SLC4A7: variants seen among roughly 807,000 people sequenced by gnomAD.
The protein encoded by SLC4A7 is sodium bicarbonate cotransporter 3.
In SLC4A7, 51 loss-of-function variants were observed where a neutral mutation model predicts 137.6. The observed-to-expected ratio is 0.37, with a 90% CI of 0.30 to 0.47. The LOEUF (loss-of-function observed/expected upper bound fraction) is 0.47. Among genes scored for constraint, SLC4A7 ranks in the 20% least tolerant of loss-of-function variants. SLC4A7 has a pLI of 1.00. For synonymous variants in SLC4A7, 542 were observed against 518.6 expected (o/e 1.05, Z -0.61); for missense variants, 1,247 against 1,525.4 (o/e 0.82, Z 3.04).
At chr3:27,409,278 T>G in intron 13 of SLC4A7, 78 bp downstream of exon 13, 1 of 1,136,824 alleles carries the variant, frequency 8.8e-7, no homozygotes, top group East Asian at 2.4e-5. Context: ...AATAAAAGTA[T>G]GAATAGTGAG....
intron 14 of SLC4A7, among the ~76,000 whole-genome samples, chr3:27,404,425 A>G (rs995196605): frequency 5.4e-4 from 83 of 152,324 alleles, no homozygotes; most frequent in African/African-American, 1.9e-3. Context: ...GCTGAATTCA[A>G]AGTCTAACAG....
intron 1 of SLC4A7, among the ~76,000 whole-genome samples, chr3:27,463,475 G>T (rs1036170686): frequency 1.3e-5 from 2 of 152,142 alleles, no homozygotes; most frequent in South Asian, 4.2e-4. Context: ...GCGTGGTGGC[G>T]GTTGCAGTCA....
chr3:27,461,720 G>A (rs537392569), intron 1 of SLC4A7, among the ~76,000 whole-genome samples: 1 of 151,892 alleles, frequency 6.6e-6, no homozygotes, highest in African/African-American at 2.4e-5. Context: ...AATACTTTGG[G>A]AGGCCGAGGC....
chr3:27,394,308 T>C (rs1435434463), intron 20 of SLC4A7, among the ~76,000 whole-genome samples: 13 of 150,196 alleles, frequency 8.7e-5, no homozygotes. Flanking sequence ...CGTAAGCCAC[T>C]ACACCTGGTA....
At position 27,376,065 on chromosome 3, in the gene SLC4A7, A is replaced by C. The variant is rs1207556157; in HGVS notation, c.*699T>G. ...CATTGTATAACTTTTTAAATTCAGAAGTTATAAATGGTATGGGTGCTTAAT... is the reference window on the plus strand; with the variant it reads ...CATTGTATAACTTTTTAAATTCAGACGTTATAAATGGTATGGGTGCTTAAT... On this transcript the variant is annotated 3_prime_UTR_variant, in exon 26 of 26. Transcript: ENST00000454389. 5 of 152,118 alleles carry C rather than the reference A, an allele frequency of 3.3e-5. No homozygotes were observed. Among genetic ancestry groups the C allele is most frequent in the African/African-American group, 7.2e-5 (3 of 41,452 alleles). 9.4% of individuals were successfully genotyped at this position (152,118 alleles called of 1,614,324 possible).
intron 20 of SLC4A7, among the ~76,000 whole-genome samples, chr3:27,393,457 T>C (rs1032647817): frequency 6.6e-6 from 1 of 152,178 alleles, no homozygotes; most frequent in Non-Finnish European, 1.5e-5. Flanking sequence ...CCGCTAATGG[T>C]ACCATGTGTA....
intron 8 of SLC4A7, 111 bp downstream of exon 8, chr3:27,423,926 C>T: frequency 3.1e-6 from 2 of 644,612 alleles, no homozygotes; most frequent in Non-Finnish European, 2.7e-6. Flanking sequence ...TTTGTAAGCA[C>T]CAGTCTACTA....
chr3:27,465,065 AG>A (rs1163482185), intron 1 of SLC4A7, among the ~76,000 whole-genome samples: 1 of 152,072 alleles, frequency 6.6e-6, no homozygotes, highest in African/African-American at 2.4e-5. Context: ...TGGGAGGCCA[AG>A]GTGGGCGGAT....
chr3:27,398,396 C>G (rs200611103), intron 16 of SLC4A7, 43 bp from the exon 17 acceptor site: 26 of 1,520,388 alleles, frequency 1.7e-5, no homozygotes. Flanking sequence ...GGGATTCTTA[C>G]GTATTCAATA....
At chr3:27,415,823 C>T (rs1272509755) in intron 11 of SLC4A7, among the ~76,000 whole-genome samples, 1 of 152,174 alleles carries the variant, frequency 6.6e-6, no homozygotes, top group Admixed American at 6.5e-5. Flanking sequence ...ATAAAAGCTG[C>T]ATTTTCAATA....
intron 15 of SLC4A7, 108 bp from the exon 16 acceptor site, chr3:27,400,977 T>C (rs539466491): frequency 4.8e-6 from 3 of 619,982 alleles, no homozygotes; most frequent in Non-Finnish European, 8.5e-6. Flanking sequence ...TTTTCCCACA[T>C]TGAGAAGCAT....
At chr3:27,409,909 T>A (rs2053742071) in intron 12 of SLC4A7, among the ~76,000 whole-genome samples, 1 of 152,170 alleles carries the variant, frequency 6.6e-6, no homozygotes, top group African/African-American at 2.4e-5. Context: ...TATATTAAAA[T>A]CTTAAAGGCA....
intron 23 of SLC4A7, among the ~76,000 whole-genome samples, chr3:27,385,463 C>T (rs927319657): frequency 3.3e-5 from 5 of 151,986 alleles, no homozygotes; most frequent in Admixed American, 1.3e-4. Flanking sequence ...ATTATTAAAA[C>T]GCTATTAAAA....
chr3:27,465,060 G>A (rs575421696), intron 1 of SLC4A7, among the ~76,000 whole-genome samples: 3 of 152,112 alleles, frequency 2.0e-5, no homozygotes, highest in South Asian at 2.1e-4. Context: ...CACTTTGGGA[G>A]GCCAAGGTGG....
intron 1 of SLC4A7, among the ~76,000 whole-genome samples, chr3:27,477,982 G>A (rs1357358932): frequency 6.6e-6 from 1 of 152,146 alleles, no homozygotes; most frequent in Admixed American, 6.5e-5. Context: ...TCTTCCAAGT[G>A]TGAATCTACT....
intron 1 of SLC4A7, among the ~76,000 whole-genome samples, chr3:27,467,776 G>A (rs534301788): frequency 6.6e-5 from 10 of 152,202 alleles, no homozygotes; most frequent in South Asian, 6.2e-4. Context: ...GTTATGATTA[G>A]AACCATGGAA....
chr3:27,480,499 GGGTT>G (rs2059662150), intron 1 of SLC4A7, among the ~76,000 whole-genome samples: 1 of 152,110 alleles, frequency 6.6e-6, no homozygotes, highest in African/African-American at 2.4e-5. Flanking sequence ...CAAAGTACAG[GGGTT>G]ACAGGCATAA....
chr3:27,443,312 G>A (rs1208171140), intron 3 of SLC4A7, among the ~76,000 whole-genome samples: 1 of 152,104 alleles, frequency 6.6e-6, no homozygotes, highest in Non-Finnish European at 1.5e-5. Context: ...TTACAGGCAT[G>A]AGCCACCAGG....
intron 1 of SLC4A7, among the ~76,000 whole-genome samples, chr3:27,473,936 G>GA (rs1347798365): frequency 6.6e-6 from 1 of 151,986 alleles, no homozygotes; most frequent in East Asian, 1.9e-4. Flanking sequence ...TCATATTACA[G>GA]AAAAAATATA....
Sources: allele counts gnomAD v4.1 joint callset (sites outside exome capture counted in the v4.1 genomes callset), GRCh38; gene constraint gnomAD v4.1.1; transcripts MANE v1.5; gene names NCBI Gene and HGNC (gene_info 2026-07-23, HGNC 2026-07-21).